The following NDST4 variants were observed in gnomAD, a reference collection of about 807,000 sequenced individuals.
NDST4 encodes N-deacetylase and N-sulfotransferase 4.
In NDST4, 63 loss-of-function variants were observed where a neutral mutation model predicts 100.8. The ratio of observed to expected loss-of-function variants is 0.62; its 90% CI spans 0.51 to 0.77. The LOEUF is 0.77. NDST4 is among the 30% of genes least tolerant of loss of function. NDST4 has a pLI of 0.00. For synonymous variants in NDST4, 377 were observed against 361.8 expected, an observed-to-expected ratio of 1.04 and a Z score of -0.48; for missense variants, 943 against 1,018.4, an observed-to-expected ratio of 0.93 and a Z score of 1.01.
intron 1 of NDST4, among the ~76,000 whole-genome samples, chr4:115,100,816 T>C (rs1205238026): frequency 2.6e-5 from 4 of 151,606 alleles, no homozygotes; most frequent in Non-Finnish European, 5.9e-5. Flanking sequence ...TTTTTTTTTT[T>C]TTTCCCTCCT....
At chr4:115,063,834 TA>T (rs1323422982) in intron 2 of NDST4, among the ~76,000 whole-genome samples, 7 of 150,016 alleles carry the variant, frequency 4.7e-5, no homozygotes, top group African/African-American at 1.5e-4. Flanking sequence ...AAATACTTCT[TA>T]ATACTTTTTT....
At chr4:114,978,483 T>A (rs981659912) in intron 2 of NDST4, among the ~76,000 whole-genome samples, 2 of 152,058 alleles carry the variant, frequency 1.3e-5, no homozygotes, top group African/African-American at 4.8e-5. Context: ...CATTATTAAA[T>A]ATTATCAACT....
At chr4:114,995,510 G>A (rs1727139312) in intron 2 of NDST4, among the ~76,000 whole-genome samples, 1 of 151,982 alleles carries the variant, frequency 6.6e-6, no homozygotes, top group African/African-American at 2.4e-5. Flanking sequence ...ATTTGAATAA[G>A]CATCTGACTT....
intron 6 of NDST4, among the ~76,000 whole-genome samples, 200 bp from the exon 7 acceptor site, chr4:114,871,150 A>C (rs114147233): frequency 3.3e-5 from 5 of 152,132 alleles, no homozygotes; most frequent in African/African-American, 1.2e-4. Flanking sequence ...TGAAATTGAG[A>C]GTGTCATTTC....
intron 6 of NDST4, among the ~76,000 whole-genome samples, chr4:114,891,744 T>C (rs1724603290): frequency 6.6e-6 from 1 of 152,100 alleles, no homozygotes; most frequent in African/African-American, 2.4e-5. Context: ...GACAGAAATG[T>C]TCACTGCTTT....
chr4:115,064,151 G>T (rs1400432807), intron 2 of NDST4, among the ~76,000 whole-genome samples: 2 of 151,898 alleles, frequency 1.3e-5, no homozygotes, highest in Non-Finnish European at 2.9e-5. Flanking sequence ...TCTTCACATT[G>T]TCAGAGGCCT....
chr4:114,885,843 C>T (rs1724466038), intron 6 of NDST4, among the ~76,000 whole-genome samples: 1 of 151,986 alleles, frequency 6.6e-6, no homozygotes, highest in East Asian at 1.9e-4. Context: ...AAATTTTATA[C>T]ATCTTTATCT....
At chr4:114,883,051 AG>A (rs1724404246) in intron 6 of NDST4, among the ~76,000 whole-genome samples, 1 of 152,144 alleles carries the variant, frequency 6.6e-6, no homozygotes, top group African/African-American at 2.4e-5. Flanking sequence ...AACAAAAAAC[AG>A]GAATTTCTTT....
chr4:115,097,211 C>G (rs1729637025), intron 1 of NDST4, among the ~76,000 whole-genome samples: 1 of 152,062 alleles, frequency 6.6e-6, no homozygotes, highest in East Asian at 1.9e-4. Flanking sequence ...AAGTTGACTT[C>G]AAAGTTTACG....
At chr4:115,033,155 ATATTTTT>A (rs1452376773) in intron 2 of NDST4, among the ~76,000 whole-genome samples, 58 of 27,600 alleles carry the variant, frequency 2.1e-3, no homozygotes, top group African/African-American at 8.0e-3. Context: ...ATATATATAT[ATATTTTT>A]TTTTTTTTTG....
chr4:115,083,282 C>G (rs1335987612), intron 1 of NDST4, among the ~76,000 whole-genome samples: 1 of 151,954 alleles, frequency 6.6e-6, no homozygotes, highest in Non-Finnish European at 1.5e-5. Flanking sequence ...AAGATCTTGT[C>G]TCAACACAAA....
chr4:115,089,908 A>C (rs972896234), intron 1 of NDST4, among the ~76,000 whole-genome samples: 3 of 151,830 alleles, frequency 2.0e-5, no homozygotes, highest in South Asian at 2.1e-4. Context: ...AGAAATCTGG[A>C]TTATATTAAT....
intron 3 of NDST4, among the ~76,000 whole-genome samples, chr4:114,976,079 A>G (rs1433872968): frequency 6.6e-6 from 1 of 152,110 alleles, no homozygotes; most frequent in Non-Finnish European, 1.5e-5. Flanking sequence ...AAAAAGCATC[A>G]AGGAAAAGCC....
At chr4:114,966,869 G>A (rs1726394706) in intron 4 of NDST4, among the ~76,000 whole-genome samples, 1 of 152,094 alleles carries the variant, frequency 6.6e-6, no homozygotes, top group African/African-American at 2.4e-5. Context: ...ATGAGTTGAT[G>A]TAAATTAATT....
At chr4:115,089,479 G>A (rs1393543838) in intron 1 of NDST4, among the ~76,000 whole-genome samples, 1 of 151,800 alleles carries the variant, frequency 6.6e-6, no homozygotes, top group African/African-American at 2.4e-5. Context: ...ATTCATGCCT[G>A]TCTCTGGTAG....
rs1276114893 is a variant in NDST4, at chr4:115,076,972, CA to C, written c.64del (p.Cys22AlafsTer3). 6.2e-7 allele frequency: 1 copy of C among 1,613,170 alleles called. No individual in the cohort carries two copies. Among genetic ancestry groups the C allele is most frequent in the Admixed American group, 1.7e-5 (1 of 59,902 alleles). On this transcript the variant is annotated frameshift_variant, in exon 2 of 14. Transcript: ENST00000264363. LOFTEE classifies it high-confidence loss of function. ...GGCAGAAATGACAATGCTCACCAAG[CA>C]AAAGGTAGCTAAGAGAACAATCAAT... ...RTLIVLLATFCLVSIVISAYF... is the reference protein window; with the variant it reads ...RTLIVLLATFXLVSIVISAYF...
At chr4:115,013,589 C>T (rs1255821355) in intron 2 of NDST4, among the ~76,000 whole-genome samples, 1 of 151,574 alleles carries the variant, frequency 6.6e-6, no homozygotes, top group African/African-American at 2.4e-5. Context: ...TTTCTGTGGT[C>T]CACCACTCAG....
intron 2 of NDST4, among the ~76,000 whole-genome samples, chr4:115,045,756 C>T (rs1265622720): frequency 4.0e-5 from 6 of 151,774 alleles, no homozygotes; most frequent in East Asian, 1.9e-4. Flanking sequence ...ATTTTTAGTT[C>T]GAGGTGGGAA....
intron 6 of NDST4, among the ~76,000 whole-genome samples, chr4:114,871,344 A>G (rs1178799722): frequency 6.6e-6 from 1 of 150,782 alleles, no homozygotes; most frequent in Non-Finnish European, 1.5e-5. Flanking sequence ...GTTGAAATAG[A>G]ATCAGATTCA....
Sources: allele counts gnomAD v4.1 joint callset (sites outside exome capture counted in the v4.1 genomes callset), GRCh38; gene constraint gnomAD v4.1.1; transcripts MANE v1.5; gene names NCBI Gene and HGNC (gene_info 2026-07-23, HGNC 2026-07-21).